Variants in SPAG17 observed in about 807,000 individuals in gnomAD.
SPAG17 encodes sperm associated antigen 17.
SPAG17 carries 169 observed loss-of-function variants against 273.6 expected under a neutral mutation model. That is an observed-to-expected ratio of 0.62 (90% CI 0.55 to 0.70). The LOEUF (loss-of-function observed/expected upper bound fraction) is 0.70, where lower values mean the gene tolerates loss of function less well. Among genes scored for constraint, SPAG17 ranks in the 30% least tolerant of loss-of-function variants. SPAG17 has a pLI of 0.00. For synonymous variants in SPAG17, 825 were observed against 873.2 expected (o/e 0.94, Z 0.97); for missense variants, 2,557 against 2,627.8 (o/e 0.97, Z 0.59).
chr1:118,105,315 A>G (rs1305623249), intron 4 of SPAG17, among the ~76,000 whole-genome samples: 1 of 152,058 alleles, frequency 6.6e-6, no homozygotes, highest in Non-Finnish European at 1.5e-5. Context: ...ATATGGTAGG[A>G]CTCTGCCAGT....
In SPAG17 at chr1:117,989,962, AT is replaced by A. The variant is rs1274126793; in HGVS notation, c.5521+898del. 2.0e-5 allele frequency among the ~76,000 whole-genome samples: 3 copies of A among 152,106 alleles called. No individual in the cohort carries two copies. The East Asian group carries it at 5.8e-4, about 29-fold the overall frequency. Reference sequence around the variant, plus strand: ...CTTATACTAAAAAAAATTATTTGTCATTCATCTAAAATTTAACTAGGCCTTC... The same window carrying A: ...CTTATACTAAAAAAAATTATTTGTCATCATCTAAAATTTAACTAGGCCTTC... On this transcript the variant is annotated intron_variant, in intron 38 of 48. Coordinates refer to ENST00000336338, the MANE Select transcript of SPAG17 (RefSeq NM_206996.4).
chr1:118,005,340 T>C, intron 32 of SPAG17, 74 bp downstream of exon 32: 1 of 1,286,714 alleles, frequency 7.8e-7, no homozygotes, highest in Admixed American at 2.8e-5. Flanking sequence ...AAAATCTACA[T>C]GGAAGCTTTG....
chr1:118,074,489 T>A, intron 16 of SPAG17, 50 bp downstream of exon 16: 9 of 1,483,888 alleles, frequency 6.1e-6, no homozygotes, highest in Non-Finnish European at 8.5e-6. Context: ...AAGTCATGGT[T>A]TTTCTCAGAT....
chr1:118,147,048 T>G (rs1659041426), intron 3 of SPAG17, among the ~76,000 whole-genome samples: 2 of 152,226 alleles, frequency 1.3e-5, no homozygotes. Context: ...CTTCACTATT[T>G]TCTGCATTGT....
intron 1 of SPAG17, among the ~76,000 whole-genome samples, chr1:118,153,479 A>C (rs779281220): frequency 6.6e-6 from 1 of 152,222 alleles, no homozygotes; most frequent in Non-Finnish European, 1.5e-5. Flanking sequence ...ATTGCACCTA[A>C]CAGACTATTT....
intron 1 of SPAG17, among the ~76,000 whole-genome samples, chr1:118,157,682 C>T (rs1659721084): frequency 6.6e-6 from 1 of 152,208 alleles, no homozygotes; most frequent in South Asian, 2.1e-4. Context: ...GTTCGATTCA[C>T]TGAGCCCAGA....
At position 118,048,635 on chromosome 1, in the gene SPAG17, C is replaced by T. The variant is rs189189713; in HGVS notation, c.2814+5367G>A. Among the ~76,000 whole-genome samples the T allele has an allele frequency of 6.8e-4, 104 of 152,260 alleles. No homozygotes were observed. The East Asian group carries it at 0.015, about 22-fold the overall frequency. ...AGGATCAGCCGGGCGCAGTGGCTCA[C>T]GCCTATAATCCCAGCACTTTGGGAG... On this transcript the variant is annotated intron_variant, in intron 20 of 48. Transcript: ENST00000336338.
chr1:118,031,245 G>T, intron 25 of SPAG17, among the ~76,000 whole-genome samples: 1 of 126,902 alleles, frequency 7.9e-6, no homozygotes, highest in African/African-American at 3.1e-5. Context: ...AGTCTTGTTA[G>T]ATTCTTAGCA....
At chr1:118,063,367 G>A (rs1177677162) in intron 18 of SPAG17, among the ~76,000 whole-genome samples, 1 of 152,112 alleles carries the variant, frequency 6.6e-6, no homozygotes, top group Non-Finnish European at 1.5e-5. Flanking sequence ...AAACAGCATG[G>A]TACTGGTACC....
rs76286004 is a variant in SPAG17 at position 117,971,284 on chromosome 1, A to G, written c.6326+579T>C. Reference sequence around the variant, plus strand: ...ATCCAATGGAAAGGTTTGAAATTTCACACAAAACAAAGCATTAGTAAAGCA... The same window carrying G: ...ATCCAATGGAAAGGTTTGAAATTTCGCACAAAACAAAGCATTAGTAAAGCA... On this transcript the variant is annotated intron_variant, in intron 45 of 48. Transcript: ENST00000336338. 5.6e-3 allele frequency among the ~76,000 whole-genome samples: 860 copies of G among 152,354 alleles called. 6 individuals carry two copies. Among genetic ancestry groups the G allele is most frequent in the East Asian group, 0.033 (173 of 5,192 alleles).
At chr1:118,108,139 T>C (rs1218860355) in intron 4 of SPAG17, among the ~76,000 whole-genome samples, 1 of 152,180 alleles carries the variant, frequency 6.6e-6, no homozygotes, top group South Asian at 2.1e-4. Context: ...CTGACCATAA[T>C]GGTGGTCTAC....
chr1:118,057,958 A>G (rs954589940), intron 18 of SPAG17, among the ~76,000 whole-genome samples: 1 of 151,978 alleles, frequency 6.6e-6, no homozygotes, highest in African/African-American at 2.4e-5. Context: ...AATAGAATGT[A>G]TAACTTTTTA....
chr1:118,024,402 G>C (rs2101846038), intron 27 of SPAG17, among the ~76,000 whole-genome samples: 1 of 152,058 alleles, frequency 6.6e-6, no homozygotes, highest in Non-Finnish European at 1.5e-5. Context: ...TTTATGAACT[G>C]TTAACCTCTC....
intron 28 of SPAG17, among the ~76,000 whole-genome samples, chr1:118,018,787 T>C (rs1660216382): frequency 6.6e-6 from 1 of 152,122 alleles, no homozygotes; most frequent in Admixed American, 6.5e-5. Flanking sequence ...GTCAATGTAC[T>C]GAGAGAAAAT....
At chr1:118,063,231 CTACTT>C (rs1652545038) in intron 18 of SPAG17, among the ~76,000 whole-genome samples, 1 of 152,188 alleles carries the variant, frequency 6.6e-6, no homozygotes, top group African/African-American at 2.4e-5. Flanking sequence ...TTGGAAAAAA[CTACTT>C]TAAAGTTCAT....
chr1:118,084,587 A>C (rs1387739532), intron 13 of SPAG17, among the ~76,000 whole-genome samples: 2 of 152,202 alleles, frequency 1.3e-5, no homozygotes, highest in Admixed American at 6.5e-5. Context: ...AAAGAGCATA[A>C]AATGGCTCTT....
At chr1:118,002,213 A>T (rs4373745) in intron 32 of SPAG17, among the ~76,000 whole-genome samples, 9,981 of 152,106 alleles carry the variant, frequency 0.066, 528 homozygotes, top group East Asian at 0.31. Context: ...TCTGTTCTTT[A>T]ACATTTGCTG....
chr1:118,152,678 T>A (rs947409850), intron 1 of SPAG17, among the ~76,000 whole-genome samples: 4 of 152,200 alleles, frequency 2.6e-5, no homozygotes, highest in African/African-American at 9.7e-5. Flanking sequence ...CAGGTAGGTG[T>A]GACTTTGTGT....
At position 117,996,403 on chromosome 1, in the gene SPAG17, C is replaced by T. The variant is rs758009445; in HGVS notation, c.5020G>A (p.Val1674Ile). ...LSLAYKESNT[V>I]VLQEPVQEQP... is the part of the protein sequence containing the mutation. ...TCCTGCACTGGCTCTTGGAGAACAA[C>T]AGTATTTGATTCTTTATATGCCAAA... Residue 1674 changes from valine to isoleucine, a missense_variant, in exon 34 of 49, where the codon GTT becomes ATT. Transcript: ENST00000336338. The T allele has an allele frequency of 1.2e-6, 2 of 1,612,828 alleles. No individual in the cohort carries two copies. Among genetic ancestry groups the T allele is most frequent in the Non-Finnish European group, 1.7e-6 (2 of 1,179,286 alleles).
Sources: allele counts gnomAD v4.1 joint callset (sites outside exome capture counted in the v4.1 genomes callset), GRCh38; gene constraint gnomAD v4.1.1; transcripts MANE v1.5; gene names NCBI Gene and HGNC (gene_info 2026-07-23, HGNC 2026-07-21).